Variants in UST observed in about 807,000 individuals in gnomAD.
The protein encoded by UST is chondroitin sulfate 2-O-sulfotransferase.
Under a neutral mutation model 45.6 loss-of-function variants are expected in UST, and 21 were observed. The observed-to-expected ratio is 0.46, with a 90% CI of 0.33 to 0.66. UST has a LOEUF of 0.66. Ranked by LOEUF, UST falls within the 30% of genes least tolerant of loss-of-function variation. The pLI is 0.02. For missense variants in UST, 463 were observed against 512.4 expected, an observed-to-expected ratio of 0.90 and a Z score of 0.93; for synonymous variants, 215 against 200.6, an observed-to-expected ratio of 1.07 and a Z score of -0.61.
chr6:148,889,361 A>G (rs1486367347), intron 2 of UST, among the ~76,000 whole-genome samples: 1 of 152,258 alleles, frequency 6.6e-6, no homozygotes, highest in Non-Finnish European at 1.5e-5. Context: ...TTATTAATGT[A>G]ATGATGACTC....
chr6:148,779,144 C>T (rs1433867729), intron 1 of UST, among the ~76,000 whole-genome samples: 1 of 151,082 alleles, frequency 6.6e-6, no homozygotes, highest in Admixed American at 6.6e-5. Flanking sequence ...GAAAGTACTA[C>T]CTCAAGCCTC....
At chr6:149,039,178 A>G (rs1330500237) in intron 7 of UST, among the ~76,000 whole-genome samples, 1 of 152,144 alleles carries the variant, frequency 6.6e-6, no homozygotes, top group Non-Finnish European at 1.5e-5. Flanking sequence ...ATTAGGGACC[A>G]TCCCTGTCCA....
intron 4 of UST, among the ~76,000 whole-genome samples, chr6:148,962,724 A>G (rs999001496): frequency 1.2e-4 from 18 of 152,224 alleles, no homozygotes; most frequent in African/African-American, 4.3e-4. Flanking sequence ...CCAATGTGGT[A>G]GTATTTAAGG....
intron 5 of UST, 103 bp downstream of exon 5, chr6:148,964,666 C>G: frequency 4.1e-6 from 6 of 1,460,548 alleles, no homozygotes; most frequent in Non-Finnish European, 5.6e-6. Flanking sequence ...CTCCTTGGCG[C>G]CTCCATGGAG....
chr6:148,832,924 A>G (rs1008795931), intron 1 of UST, among the ~76,000 whole-genome samples: 41 of 152,216 alleles, frequency 2.7e-4, no homozygotes, highest in Non-Finnish European at 4.4e-5. Flanking sequence ...TTTCTTTGTC[A>G]TAACTGTCAG....
intron 1 of UST, among the ~76,000 whole-genome samples, chr6:148,763,530 A>ATTTTTG (rs1032451336): frequency 2.0e-5 from 3 of 151,722 alleles, no homozygotes; most frequent in African/African-American, 7.3e-5. Context: ...CCTTTTGTTT[A>ATTTTTG]TTTTTGTTTT....
At chr6:148,776,674 C>A (rs956713145) in intron 1 of UST, among the ~76,000 whole-genome samples, 1 of 152,174 alleles carries the variant, frequency 6.6e-6, no homozygotes, top group African/African-American at 2.4e-5. Context: ...AAGTTTAGAG[C>A]TTTAACCATC....
At chr6:149,048,863 C>A (rs182092272) in intron 7 of UST, among the ~76,000 whole-genome samples, 1 of 152,290 alleles carries the variant, frequency 6.6e-6, no homozygotes, top group Admixed American at 6.5e-5. Flanking sequence ...ACTGAGCAGT[C>A]GTGGAGTCCC....
chr6:148,803,742 C>G (rs1777095579), intron 1 of UST, among the ~76,000 whole-genome samples: 1 of 152,206 alleles, frequency 6.6e-6, no homozygotes, highest in Non-Finnish European at 1.5e-5. Flanking sequence ...GAGGCCCTAC[C>G]TGCTCCTCTT....
At chr6:148,832,417 A>G (rs867040417) in intron 1 of UST, among the ~76,000 whole-genome samples, 18 of 152,266 alleles carry the variant, frequency 1.2e-4, no homozygotes, top group Middle Eastern at 6.8e-3. Context: ...CTATCAACTG[A>G]ACATCTTGCT....
chr6:149,038,751 A>C (rs1210335120), intron 7 of UST, among the ~76,000 whole-genome samples: 1 of 152,214 alleles, frequency 6.6e-6, no homozygotes, highest in Non-Finnish European at 1.5e-5. Context: ...GGATTAGGAC[A>C]AAGAGCCTTC....
At chr6:148,821,960 T>C (rs1377439220) in intron 1 of UST, among the ~76,000 whole-genome samples, 3 of 152,252 alleles carry the variant, frequency 2.0e-5, no homozygotes, top group Non-Finnish European at 4.4e-5. Flanking sequence ...TCTTTCTACA[T>C]GTCCCCGTCA....
intron 7 of UST, among the ~76,000 whole-genome samples, chr6:149,022,558 C>G (rs534969643): frequency 1.2e-4 from 18 of 152,208 alleles, no homozygotes; most frequent in African/African-American, 3.9e-4. Context: ...CAAGATCGCG[C>G]CACTGCACTC....
At chr6:148,851,575 C>A (rs1018080694) in intron 1 of UST, among the ~76,000 whole-genome samples, 1 of 152,200 alleles carries the variant, frequency 6.6e-6, no homozygotes, top group Non-Finnish European at 1.5e-5. Context: ...GAGAATTTAA[C>A]TATGCTAAGC....
At chr6:148,848,319 A>T (rs1778036310) in intron 1 of UST, among the ~76,000 whole-genome samples, 1 of 152,130 alleles carries the variant, frequency 6.6e-6, no homozygotes, top group South Asian at 2.1e-4. Context: ...GTTAAAAAAA[A>T]ATTCAATGTT....
chr6:148,868,713 G>A (rs934277285), intron 1 of UST, among the ~76,000 whole-genome samples: 6 of 152,080 alleles, frequency 3.9e-5, no homozygotes, highest in African/African-American at 1.4e-4. Flanking sequence ...ATTAATTTAT[G>A]CCCAGGTATA....
intron 1 of UST, among the ~76,000 whole-genome samples, chr6:148,758,373 T>A (rs1196500895): frequency 6.6e-6 from 1 of 152,204 alleles, no homozygotes; most frequent in Non-Finnish European, 1.5e-5. Context: ...TTTCCTCTGT[T>A]TTGAATTTAT....
At chr6:148,822,271 T>C (rs1473528564) in intron 1 of UST, among the ~76,000 whole-genome samples, 2 of 152,262 alleles carry the variant, frequency 1.3e-5, no homozygotes, top group African/African-American at 4.8e-5. Context: ...ATTCCAATCC[T>C]AATCTAACAC....
In UST at chr6:148,748,399, TTGTGTGTGTGTGTGTGTGTGTGTG is replaced by T. The variant is rs34342100; in HGVS notation, c.247+753_247+776del. ...GTGCGTCTCAAGCTCAAGTCAAAAC[TTGTGTGTGTGTGTGTGTGTGTGTG>T]TGTGTGTGTGTGTGTGTGTGTGTGT... is the stretch of plus-strand genomic sequence containing the variant. On this transcript the variant is annotated intron_variant, in intron 1 of 7. Transcript: ENST00000367463. The surrounding 1 kb of genome is among the most constrained non-coding windows in gnomAD (Gnocchi z 5.3). Among the ~76,000 whole-genome samples the T allele has an allele frequency of 2.5e-4, 32 of 127,616 alleles. No homozygotes were observed. The East Asian group carries it at 2.5e-3, about 10-fold the overall frequency. The allele number at this position is 127,616 out of a possible 152,430, so 83.7% of individuals were successfully genotyped here. A position where few individuals can be genotyped will look rare whatever the true frequency, so the allele number is the denominator to read the frequency against.
Sources: gnomAD v4.1 joint callset for allele counts (sites outside exome capture counted in the v4.1 genomes callset) on GRCh38, gnomAD v4.1.1 for gene constraint, Gnocchi (gnomAD v3.1) non-coding constraint, MANE v1.5 for transcripts, NCBI Gene and HGNC (gene_info 2026-07-23, HGNC 2026-07-21) for gene names.